The following NOC4L variants were observed in gnomAD, a reference collection of about 807,000 sequenced individuals.
NOC4L encodes the protein nucleolar complex protein 4 homolog.
NOC4L carries 40 observed loss-of-function variants against 62.8 expected under a neutral mutation model. The ratio of observed to expected loss-of-function variants is 0.64; its 90% confidence interval spans 0.49 to 0.83. NOC4L has a LOEUF of 0.83. Ranked by LOEUF, NOC4L falls within the 40% of genes least tolerant of loss-of-function variation. The pLI is 0.00. For synonymous variants in NOC4L, 433 were observed against 299.8 expected, an observed-to-expected ratio of 1.44 and a Z score of -4.59; for missense variants, 927 against 701.9, an observed-to-expected ratio of 1.32 and a Z score of -3.62.
chr12:132,148,009 G>A, intron 6 of NOC4L, 30 bp downstream of exon 6: 2 of 1,612,806 alleles, frequency 1.2e-6, no homozygotes, highest in South Asian at 1.1e-5. Flanking sequence ...GGGGCGGACA[G>A]GGCTGAGCCT....
chr12:132,150,923 AGGGG>A, intron 9 of NOC4L, 54 bp from the exon 10 acceptor site: 1 of 1,265,230 alleles, frequency 7.9e-7, no homozygotes, highest in South Asian at 1.3e-5. Flanking sequence ...CAGTGTGGGC[AGGGG>A]GTAGGGTGGG....
chr12:132,150,935 G>C, intron 9 of NOC4L, 46 bp from the exon 10 acceptor site: 1 of 1,420,410 alleles, frequency 7.0e-7, no homozygotes, highest in Non-Finnish European at 9.8e-7. Context: ...GGGGTAGGGT[G>C]GGAGCGAGGT....
rs200091849 is a variant in NOC4L at position 132,151,638 on chromosome 12, G to C, written c.1228G>C (p.Gly410Arg). Residue 410 changes from glycine to arginine, a missense_variant, in exon 12 of 15, where the codon GGC (glycine) becomes CGC (arginine). By Grantham distance (125) the Gly-to-Arg change is moderately radical (BLOSUM62 -2). Coordinates refer to ENST00000330579, the MANE Select transcript of NOC4L (RefSeq NM_024078.3). ...ACRVLVHRPH[G>R]PELDADPYDP... The stretch of plus-strand genomic sequence containing the variant: ...CCGGGTCCTCGTGCACCGTCCACAC[G>C]GCCCTGGTGAGTTGCGGGGCCCTCG... 1 of 1,611,674 alleles carries C rather than the reference G, an allele frequency of 6.2e-7. No homozygotes were observed. The highest frequency in any genetic ancestry group is 1.7e-5 in the Admixed American group (1 of 59,950).
Position 132,144,533 on chromosome 12 carries a change from C to T in NOC4L, c.45C>T (p.Gly15=), listed in dbSNP as rs1343901056. ...PGAAGVRRAL[G]RRLEAVLASR... ...CCGCGGGAGTTCGCCGGGCTCTGGG[C>T]CGCCGGCTGGAGGCGGTGCTGGCGA... The change falls in exon 1 of 15, where the codon GGC becomes GGT. Residue 15 remains glycine, a synonymous_variant. Transcript: ENST00000330579. 1 of 1,518,150 alleles carries T rather than the reference C, an allele frequency of 6.6e-7. No homozygotes were observed. Among genetic ancestry groups the T allele is most frequent in the Non-Finnish European group, 8.8e-7 (1 of 1,141,726 alleles). The allele number at this position is 1,518,150 out of a possible 1,614,324, so 94.0% of individuals were successfully genotyped here. A position where few individuals can be genotyped will look rare whatever the true frequency, so the allele number is the denominator to read the frequency against.
Position 132,152,378 on chromosome 12 carries a change from G to T in NOC4L, c.1528G>T (p.Ala510Ser). The T allele has an allele frequency of 6.3e-7, 1 of 1,580,300 alleles. No homozygotes were observed. Among genetic ancestry groups the T allele is most frequent in the East Asian group, 2.3e-5 (1 of 42,960 alleles). Residue 510 changes from alanine to serine, a missense_variant, in exon 15 of 15, where the codon GCC (alanine) becomes TCC (serine). Physicochemically the swap from Ala to Ser is moderately conservative, Grantham distance 99. Transcript: ENST00000330579. ...GCTGGGACGGCCGGGTGAACTCTGTGCCCAGCACTTCACGCTCAGCTGACC... is the reference window on the plus strand; with the variant it reads ...GCTGGGACGGCCGGGTGAACTCTGTTCCCAGCACTTCACGCTCAGCTGACC... ...GLLGRPGELC[A>S]QHFTLS
chr12:132,147,179 C>T (rs1897755114), intron 3 of NOC4L, 102 bp from the exon 4 acceptor site: 1 of 881,638 alleles, frequency 1.1e-6, no homozygotes, highest in South Asian at 2.2e-5. Flanking sequence ...GCCCTTTTCT[C>T]AGCTCTGGGC....
rs1565960369 is a variant in NOC4L, at chr12:132,148,917, ACACCACACCCCTAATCCCCTC to A, written c.901+23_901+43del. On this transcript the variant is annotated intron_variant, in intron 9 of 14. Transcript: ENST00000330579. Reference sequence around the variant, plus strand: ...CTCGGTGAGTGCCGCCGCCTCGCTCACACCACACCCCTAATCCCCTCGGTGAGTGCCGCCGCCTCACTCCTA... The same window carrying A: ...CTCGGTGAGTGCCGCCGCCTCGCTCAGGTGAGTGCCGCCGCCTCACTCCTA... 3 of 818,466 alleles carry A rather than the reference ACACCACACCCCTAATCCCCTC, an allele frequency of 3.7e-6. 1 individual carries two copies. Among genetic ancestry groups the A allele is most frequent in the South Asian group, 2.1e-5 (1 of 47,096 alleles). The allele number at this position is 818,466 out of a possible 1,614,324, so 50.7% of individuals were successfully genotyped here.
chr12:132,149,212 C>G (rs61942927), intron 9 of NOC4L, among the ~76,000 whole-genome samples: 229 of 12,422 alleles, frequency 0.018, no homozygotes, highest in Middle Eastern at 0.12. Context: ...CGGTGAGTGC[C>G]GCCGCCTCGC....
In NOC4L at chr12:132,144,863, CAGG is replaced by C; in HGVS notation, c.133_135del (p.Glu45del). ...GCCGCCTCTCCTGCAGTCTGAGGAC[CAGG>C]AGGAGATCCAGGAAGCAGTCCGCAC... On this transcript the variant is annotated inframe_deletion, in exon 2 of 15. Coordinates refer to ENST00000330579, the MANE Select transcript of NOC4L (RefSeq NM_024078.3). The C allele has an allele frequency of 1.2e-6, 2 of 1,601,328 alleles. No homozygotes were observed. Among genetic ancestry groups the C allele is most frequent in the Non-Finnish European group, 1.7e-6 (2 of 1,175,800 alleles).
chr12:132,152,159 G>T lies in NOC4L; in HGVS notation c.1393G>T (p.Val465Phe). The change falls in exon 14 of 15, where the codon GTC becomes TTC. Residue 465 changes from valine to phenylalanine, a missense_variant. Transcript: ENST00000330579. ...VINQALSMPEVSIAPLLELTA... is the reference protein window; with the variant it reads ...VINQALSMPEFSIAPLLELTA... ...CAACCAGGCCCTGTCCATGCCTGAG[G>T]TCAGCATCGCGCCACTGCTGGAGCT... is the stretch of plus-strand genomic sequence containing the variant. 6.2e-7 allele frequency: 1 copy of T among 1,612,348 alleles called. No individual in the cohort carries two copies. The highest frequency in any genetic ancestry group is 8.5e-7 in the Non-Finnish European group (1 of 1,179,858).
rs1251746891 is a variant in NOC4L at position 132,145,705 on chromosome 12, C to T, written c.345+40C>T. ...TGGCCTCATCCTTGTCCATCCCCTG[C>T]ACCCCAACTCCCAGGTTATCCACAA... On this transcript the variant is annotated intron_variant, in intron 3 of 14. Transcript: ENST00000330579. 4.4e-6 allele frequency: 6 copies of T among 1,375,286 alleles called. No individual in the cohort carries two copies. The Admixed American group carries it at 5.3e-5, about 12-fold the overall frequency. 85.2% of individuals were successfully genotyped at this position (1,375,286 alleles called of 1,614,324 possible).
chr12:132,147,272 C>A lies in NOC4L; in HGVS notation c.346-9C>A. ...GCATCACAGCCACCCTGCACTGCCC[C>A]CTTCCCAGGAGCTGGCCCTCAGCGC... On this transcript the variant is annotated splice_polypyrimidine_tract_variant and intron_variant, in intron 3 of 14. Coordinates refer to ENST00000330579, the MANE Select transcript of NOC4L (RefSeq NM_024078.3). The A allele has an allele frequency of 3.9e-6, 6 of 1,520,042 alleles. No homozygotes were observed. In the South Asian group the frequency reaches 7.5e-5, roughly 19 times the overall value. The allele number at this position is 1,520,042 out of a possible 1,614,324, so 94.2% of individuals were successfully genotyped here.
intron 3 of NOC4L, 109 bp from the exon 4 acceptor site, chr12:132,147,172 C>T (rs1897755050): frequency 2.4e-6 from 2 of 820,042 alleles, no homozygotes; most frequent in Admixed American, 3.6e-5. Flanking sequence ...CCCGGCCGCC[C>T]TTTTCTCAGC....
In NOC4L at chr12:132,150,991, C is replaced by T; in HGVS notation, c.912C>T (p.Leu304=). 1 of 1,609,780 alleles carries T rather than the reference C, an allele frequency of 6.2e-7. No individual in the cohort carries two copies. Among genetic ancestry groups the T allele is most frequent in the Non-Finnish European group, 8.5e-7 (1 of 1,178,400 alleles). The change falls in exon 10 of 15, where the codon CTC becomes CTT. Residue 304 remains leucine (L), a synonymous_variant. Coordinates refer to ENST00000330579, the MANE Select transcript of NOC4L (RefSeq NM_024078.3). ...LTRACDLGGA[L]SLLALNGLFI... Reference sequence around the variant, plus strand: ...TCTGTCTGTCTGCAGGGGGGGCCCTCAGCCTCTTGGCCTTGAACGGGCTGT... The same window carrying T: ...TCTGTCTGTCTGCAGGGGGGGCCCTTAGCCTCTTGGCCTTGAACGGGCTGT...
intron 10 of NOC4L, 91 bp from the exon 11 acceptor site, chr12:132,151,167 G>T (rs1010074453): frequency 9.9e-6 from 14 of 1,417,408 alleles, no homozygotes; most frequent in South Asian, 3.5e-5. Context: ...GTCCCTGGGC[G>T]GGAGGAAGGG....
intron 10 of NOC4L, 42 bp from the exon 11 acceptor site, chr12:132,151,216 C>CG: frequency 6.4e-7 from 1 of 1,553,606 alleles, no homozygotes; most frequent in South Asian, 1.1e-5. Context: ...CCTCAGTTCC[C>CG]GGGCCCTGCT....
rs202227049 is a variant in NOC4L at position 132,147,693 on chromosome 12, C to G, written c.514C>G (p.Arg172Gly). The G allele has an allele frequency of 3.1e-6, 5 of 1,612,822 alleles. No homozygotes were observed. The highest frequency in any genetic ancestry group is 4.5e-5 in the East Asian group (2 of 44,884). Residue 172 changes from arginine (R) to glycine (G), a missense_variant, in exon 5 of 15, where the codon CGG (arginine) becomes GGG (glycine). Coordinates refer to ENST00000330579, the MANE Select transcript of NOC4L (RefSeq NM_024078.3). ...EDQSLLLSQFREYLDYDDTRY... is the reference protein window; with the variant it reads ...EDQSLLLSQFGEYLDYDDTRY... ...CCAGAGCCTGCTCCTGTCCCAGTTC[C>G]GGGAGTACCTGGACTACGACGACAC...
Position 132,148,775 on chromosome 12 carries a change from C to T in NOC4L, c.790-9C>T, listed in dbSNP as rs758207533. On this transcript the variant is annotated splice_polypyrimidine_tract_variant and intron_variant, in intron 8 of 14. Transcript: ENST00000330579. ...CGCCCCTCACCCCCACCTGCCGGCC[C>T]CCGCCCAGCTGCCCCTCAGCCTCTA... is the stretch of plus-strand genomic sequence containing the variant. The T allele has an allele frequency of 5.2e-6, 8 of 1,532,064 alleles. No homozygotes were observed. Among genetic ancestry groups the T allele is most frequent in the South Asian group, 1.2e-5 (1 of 83,934 alleles). The allele number at this position is 1,532,064 out of a possible 1,614,324, so 94.9% of individuals were successfully genotyped here. A position where few individuals can be genotyped will look rare whatever the true frequency, so the allele number is the denominator to read the frequency against.
Position 132,152,099 on chromosome 12 carries a change from T to C in NOC4L, c.1333T>C (p.Tyr445His). ...LWELQALQRHYHPEVSKAASV... is the reference protein window; with the variant it reads ...LWELQALQRHHHPEVSKAASV... ...ACTGCCCCAGGCCCTCCAGCGCCAC[T>C]ACCACCCTGAGGTGTCCAAAGCCGC... Residue 445 changes from tyrosine (Y) to histidine (H), a missense_variant, in exon 14 of 15, where the codon TAC becomes CAC. Coordinates refer to ENST00000330579, the MANE Select transcript of NOC4L (RefSeq NM_024078.3). 6.5e-7 allele frequency: 1 copy of C among 1,542,294 alleles called. No homozygotes were observed. Among genetic ancestry groups the C allele is most frequent in the Non-Finnish European group, 8.8e-7 (1 of 1,137,098 alleles).
Sources: gnomAD v4.1 joint callset for allele counts (sites outside exome capture counted in the v4.1 genomes callset) on GRCh38, gnomAD v4.1.1 for gene constraint, MANE v1.5 for transcripts, NCBI Gene and HGNC (gene_info 2026-07-23, HGNC 2026-07-21) for gene names.